TMEM87A: variants seen among roughly 807,000 people sequenced by gnomAD.
TMEM87A encodes transmembrane protein 87A.
A neutral mutation model predicts 90.0 loss-of-function variants in TMEM87A; 50 were observed. The observed-to-expected ratio is 0.56, with a 90% confidence interval of 0.44 to 0.70. TMEM87A has a LOEUF of 0.70. TMEM87A is among the 30% of genes least tolerant of loss of function. The pLI is 0.00. For synonymous variants in TMEM87A, 226 were observed against 226.7 expected, an observed-to-expected ratio of 1.00 and a Z score of 0.03; for missense variants, 577 against 660.5, an observed-to-expected ratio of 0.87 and a Z score of 1.39.
At chr15:42,260,127 C>T (rs1030680378) in intron 6 of TMEM87A, among the ~76,000 whole-genome samples, 1 of 152,178 alleles carries the variant, frequency 6.6e-6, no homozygotes, top group African/African-American at 2.4e-5. Flanking sequence ...AATCCTAGCA[C>T]TTTGGGAGGC....
chr15:42,212,880 TAAGGGAAAAA>T (rs1356219463), intron 19 of TMEM87A, among the ~76,000 whole-genome samples: 1 of 152,004 alleles, frequency 6.6e-6, no homozygotes, highest in Non-Finnish European at 1.5e-5. Flanking sequence ...TTTTCAGTTT[TAAGGGAAAAA>T]AAGGCCTTGG....
intron 6 of TMEM87A, chr15:42,258,157 C>T: frequency 4.1e-6 from 4 of 975,936 alleles, no homozygotes; most frequent in Non-Finnish European, 4.9e-6. Context: ...AGACACTATA[C>T]AAGCATTTAA....
Position 42,273,125 on chromosome 15 carries a change from C to T in TMEM87A, c.144+130G>A, listed in dbSNP as rs2051583965. On this transcript the variant is annotated intron_variant, in intron 1 of 19. Transcript: ENST00000389834. ...AGGGAGGTGGGTCCCAGTTGGCTAG[C>T]CACACAGACCATCCCAGCAACCCCA... 3.3e-6 allele frequency: 4 copies of T among 1,198,648 alleles called. No homozygotes were observed. The African/African-American group carries it at 4.5e-5, about 14-fold the overall frequency. 74.3% of individuals were successfully genotyped at this position (1,198,648 alleles called of 1,614,324 possible).
At chr15:42,232,649 ATT>A (rs1310056123) in intron 11 of TMEM87A, among the ~76,000 whole-genome samples, 3 of 140,486 alleles carry the variant, frequency 2.1e-5, no homozygotes, top group Admixed American at 7.2e-5. Context: ...AATTTCTCGT[ATT>A]TTTTTTTTTT....
intron 11 of TMEM87A, among the ~76,000 whole-genome samples, chr15:42,231,563 G>A (rs1479529915): frequency 6.6e-6 from 1 of 152,038 alleles, no homozygotes; most frequent in African/African-American, 2.4e-5. Flanking sequence ...AAGTTCTAAT[G>A]TTTATAAGCC....
chr15:42,217,839 A>G lies in TMEM87A; in HGVS notation c.1596-6T>C. 1 of 1,612,286 alleles carries G rather than the reference A, an allele frequency of 6.2e-7. No individual in the cohort carries two copies. The highest frequency in any genetic ancestry group is 1.1e-5 in the South Asian group (1 of 90,588). ...CCAGAAGGGCTGGAAGTGCTCTGCA[A>G]AGAGAGAGAAATACTAAATTGAACA... On this transcript the variant is annotated splice_polypyrimidine_tract_variant and splice_region_variant and intron_variant, in intron 18 of 19. Coordinates refer to ENST00000389834, the MANE Select transcript of TMEM87A (RefSeq NM_015497.5).
intron 6 of TMEM87A, among the ~76,000 whole-genome samples, chr15:42,255,560 C>G (rs115735142): frequency 6.6e-6 from 1 of 151,990 alleles, no homozygotes; most frequent in Admixed American, 6.5e-5. Context: ...ACTGCACTGC[C>G]CTCTCTGTAC....
At chr15:42,213,841 G>T (rs999867285) in intron 19 of TMEM87A, among the ~76,000 whole-genome samples, 1 of 151,942 alleles carries the variant, frequency 6.6e-6, no homozygotes, top group African/African-American at 2.4e-5. Context: ...GGAAAATAGA[G>T]AATCAGTGAA....
In TMEM87A at chr15:42,220,154, A is replaced by G. The variant is rs751952021; in HGVS notation, c.1404-19T>C. 3 of 1,574,356 alleles carry G rather than the reference A, an allele frequency of 1.9e-6. No individual in the cohort carries two copies. The highest frequency in any genetic ancestry group is 1.2e-5 in the South Asian group (1 of 83,422). On this transcript the variant is annotated intron_variant, in intron 15 of 19. Coordinates refer to ENST00000389834, the MANE Select transcript of TMEM87A (RefSeq NM_015497.5). ...GGCAAACCTAACAGAACCAAAGTGA[A>G]CAGAAGGAAAAAATTAGAAAACTTC...
chr15:42,226,311 A>AT (rs558657588), intron 15 of TMEM87A, among the ~76,000 whole-genome samples: 5,951 of 137,132 alleles, frequency 0.043, 131 homozygotes, highest in South Asian at 0.084. Context: ...CTGTGTCGGT[A>AT]TTTTTTTTTT....
chr15:42,228,663 A>G (rs1340832931), intron 13 of TMEM87A, 49 bp downstream of exon 13: 1 of 1,523,916 alleles, frequency 6.6e-7, no homozygotes, highest in Non-Finnish European at 9.1e-7. Context: ...AAGAATGTCC[A>G]TTCTAAACAG....
intron 13 of TMEM87A, among the ~76,000 whole-genome samples, chr15:42,228,495 C>G (rs1007115235): frequency 6.6e-6 from 1 of 152,136 alleles, no homozygotes; most frequent in African/African-American, 2.4e-5. Context: ...AAATGAAGAG[C>G]TGAAATATGA....
At chr15:42,270,273 G>A (rs2051493166) in intron 2 of TMEM87A, among the ~76,000 whole-genome samples, 1 of 152,052 alleles carries the variant, frequency 6.6e-6, no homozygotes, top group South Asian at 2.1e-4. Flanking sequence ...GGGAGGCTGA[G>A]GCAGAAGAAT....
At chr15:42,231,922 C>A in intron 11 of TMEM87A, 1 of 1,261,788 alleles carries the variant, frequency 7.9e-7, no homozygotes, top group Non-Finnish European at 1.0e-6. Context: ...AATACTATAG[C>A]AACAGCAGAA....
intron 4 of TMEM87A, among the ~76,000 whole-genome samples, chr15:42,261,635 T>TAC (rs1555409351): frequency 3.6e-5 from 1 of 27,716 alleles, no homozygotes; most frequent in Non-Finnish European, 1.3e-4. Flanking sequence ...AAACCTAATA[T>TAC]TCTTTTTTTT....
At chr15:42,263,846 A>G (rs1212285722) in intron 4 of TMEM87A, among the ~76,000 whole-genome samples, 1 of 152,210 alleles carries the variant, frequency 6.6e-6, no homozygotes, top group Non-Finnish European at 1.5e-5. Flanking sequence ...TTAAAATGGT[A>G]AATTTTATGT....
intron 6 of TMEM87A, among the ~76,000 whole-genome samples, chr15:42,246,273 T>C (rs953409229): frequency 1.3e-5 from 2 of 152,214 alleles, no homozygotes; most frequent in Non-Finnish European, 2.9e-5. Flanking sequence ...GGTTAACTAT[T>C]TTCTAAGTAC....
rs538440452 is a variant in TMEM87A, at chr15:42,226,773, A to G, written c.1403+33T>C. 65 of 1,581,096 alleles carry G rather than the reference A, an allele frequency of 4.1e-5. 1 individual carries two copies. The Middle Eastern group carries it at 1.7e-3, about 40-fold the overall frequency. ...CCCTAATTGATGACATGGTCATCTCATGTTAGCAGAGTAAACAGAAGAGTC... is the reference window on the plus strand; with the variant it reads ...CCCTAATTGATGACATGGTCATCTCGTGTTAGCAGAGTAAACAGAAGAGTC... On this transcript the variant is annotated intron_variant, in intron 15 of 19. Coordinates refer to ENST00000389834, the MANE Select transcript of TMEM87A (RefSeq NM_015497.5).
At chr15:42,233,737 C>A (rs1376062340) in intron 10 of TMEM87A, among the ~76,000 whole-genome samples, 1 of 151,980 alleles carries the variant, frequency 6.6e-6, no homozygotes, top group Non-Finnish European at 1.5e-5. Flanking sequence ...AAATGAGGAC[C>A]TTATTTTTCT....
Sources: gnomAD v4.1 joint callset for allele counts (sites outside exome capture counted in the v4.1 genomes callset) on GRCh38, gnomAD v4.1.1 for gene constraint, MANE v1.5 for transcripts, NCBI Gene and HGNC (gene_info 2026-07-23, HGNC 2026-07-21) for gene names.